KCNIP4: variants seen among roughly 807,000 people sequenced by gnomAD.
KCNIP4 encodes the protein potassium voltage-gated channel interacting protein 4.
In KCNIP4, 12 loss-of-function variants were observed where a neutral mutation model predicts 34.0. The ratio of observed to expected loss-of-function variants is 0.35; its 90% CI spans 0.23 to 0.57. The LOEUF is 0.57. KCNIP4 is among the 20% of genes least tolerant of loss of function. The pLI is 0.83. For missense variants in KCNIP4, 238 were observed against 311.7 expected (o/e 0.76, Z 1.78); for synonymous variants, 124 against 102.2 (o/e 1.21, Z -1.29).
chr4:20,857,198 T>C (rs938922293), intron 2 of KCNIP4, among the ~76,000 whole-genome samples: 44 of 152,200 alleles, frequency 2.9e-4, no homozygotes, highest in African/African-American at 1.0e-3. Context: ...ACTGAAATCA[T>C]CAGCAATCAC....
chr4:21,811,902 T>C (rs2109271718), intron 1 of KCNIP4, among the ~76,000 whole-genome samples: 1 of 152,308 alleles, frequency 6.6e-6, no homozygotes, highest in Middle Eastern at 3.4e-3. Context: ...TGAGGCCAAA[T>C]GGCAGTTAAT....
At chr4:21,230,208 C>T (rs1417196954) in intron 1 of KCNIP4, among the ~76,000 whole-genome samples, 2 of 152,016 alleles carry the variant, frequency 1.3e-5, no homozygotes, top group African/African-American at 2.4e-5. Flanking sequence ...CCAAGGACTG[C>T]CAGAAACTCC....
intron 1 of KCNIP4, among the ~76,000 whole-genome samples, chr4:21,107,381 C>T (rs28786984): frequency 0.26 from 36,465 of 142,080 alleles, 5,325 homozygotes; most frequent in African/African-American, 0.37. Context: ...TTGATCTTTG[C>T]TGGTTTAAAG....
chr4:21,532,858 C>T (rs992521207), intron 1 of KCNIP4, among the ~76,000 whole-genome samples: 1 of 151,834 alleles, frequency 6.6e-6, no homozygotes, highest in Admixed American at 6.6e-5. Context: ...TTTTAAATTA[C>T]AGGAATCTAC....
intron 1 of KCNIP4, among the ~76,000 whole-genome samples, chr4:21,381,708 G>C (rs1721523408): frequency 6.6e-6 from 1 of 152,178 alleles, no homozygotes; most frequent in South Asian, 2.1e-4. Context: ...AACCATGTCA[G>C]TGGGTGCAAT....
intron 1 of KCNIP4, among the ~76,000 whole-genome samples, chr4:20,909,516 C>T (rs1036592758): frequency 2.6e-5 from 4 of 152,156 alleles, no homozygotes; most frequent in Non-Finnish European, 4.4e-5. Context: ...CCCCAAAGCA[C>T]CCAGTGAATG....
At chr4:21,518,964 C>A (rs1279003106) in intron 1 of KCNIP4, among the ~76,000 whole-genome samples, 1 of 152,042 alleles carries the variant, frequency 6.6e-6, no homozygotes, top group Non-Finnish European at 1.5e-5. Flanking sequence ...TTAGTGAATC[C>A]TCCCAACAAG....
chr4:21,344,441 G>A (rs375111776), intron 1 of KCNIP4, among the ~76,000 whole-genome samples: 35 of 152,234 alleles, frequency 2.3e-4, no homozygotes, highest in African/African-American at 4.1e-4. Flanking sequence ...ATAGCCAAAG[G>A]TCTTGGAAAC....
chr4:21,121,012 T>C (rs12640491), intron 1 of KCNIP4, among the ~76,000 whole-genome samples: 21,762 of 152,212 alleles, frequency 0.14, 1,758 homozygotes, highest in East Asian at 0.23. Flanking sequence ...GCTGAGTGTG[T>C]GACAGTTTGC....
At chr4:21,279,272 A>C (rs773552260) in intron 1 of KCNIP4, among the ~76,000 whole-genome samples, 20 of 152,092 alleles carry the variant, frequency 1.3e-4, no homozygotes, top group Non-Finnish European at 1.9e-4. Flanking sequence ...AGGGTGGCAC[A>C]AGTTGCTGCT....
At chr4:20,777,763 G>A (rs1756499290) in intron 3 of KCNIP4, among the ~76,000 whole-genome samples, 1 of 152,198 alleles carries the variant, frequency 6.6e-6, no homozygotes, top group Admixed American at 6.5e-5. Context: ...AAACCATGAA[G>A]TTTGACGTTC....
chr4:21,866,762 A>AT (rs770568451), intron 1 of KCNIP4, among the ~76,000 whole-genome samples: 30,426 of 82,728 alleles, frequency 0.37, 8,507 homozygotes, highest in East Asian at 0.6. Flanking sequence ...TTCAGCCTGG[A>AT]TTTTTTTTTT....
chr4:21,517,861 T>C (rs933670148), intron 1 of KCNIP4, among the ~76,000 whole-genome samples: 4 of 152,176 alleles, frequency 2.6e-5, no homozygotes, highest in African/African-American at 9.7e-5. Flanking sequence ...CTTTCCCTGA[T>C]ACATTGTAGA....
intron 1 of KCNIP4, among the ~76,000 whole-genome samples, chr4:21,694,720 A>G (rs573182415): frequency 9.2e-5 from 14 of 152,138 alleles, no homozygotes; most frequent in Admixed American, 7.2e-4. Flanking sequence ...TTGTGATAAC[A>G]CTAATAAGAC....
chr4:21,372,353 AATAGATAGATAGATAG>A (rs140861893), intron 1 of KCNIP4, among the ~76,000 whole-genome samples: 6 of 139,068 alleles, frequency 4.3e-5, no homozygotes, highest in Non-Finnish European at 4.5e-5. Context: ...CAGTTTGGTG[AATAGATAGATAGATAG>A]ATAGATAGAT....
At chr4:21,870,814 C>T (rs73258504) in intron 1 of KCNIP4, among the ~76,000 whole-genome samples, 5,864 of 152,200 alleles carry the variant, frequency 0.039, 172 homozygotes, top group Middle Eastern at 0.079. Context: ...AACTCATTTG[C>T]TCATTTATGA....
chr4:21,420,118 T>C (rs1354228020), intron 1 of KCNIP4, among the ~76,000 whole-genome samples: 1 of 152,150 alleles, frequency 6.6e-6, no homozygotes, highest in East Asian at 1.9e-4. Flanking sequence ...TATACCTACT[T>C]GTCAATGTTG....
In KCNIP4 at chr4:21,681,998, C is replaced by T. The variant is rs538097304; in HGVS notation, c.61+266573G>A. Among the ~76,000 whole-genome samples, 62 of 152,100 alleles carry T rather than the reference C, an allele frequency of 4.1e-4. No individual in the cohort carries two copies. In the South Asian group the frequency reaches 0.012, roughly 31 times the overall value. ...CTGCCTCTTGGGTTCAAGTGATTCA[C>T]CTACCTCAGCTTACTGAGTGTCTGG... On this transcript the variant is annotated intron_variant, in intron 1 of 8. Transcript: ENST00000382152.
intron 1 of KCNIP4, among the ~76,000 whole-genome samples, chr4:21,351,447 C>T (rs1056913710): frequency 2.6e-5 from 4 of 152,176 alleles, no homozygotes; most frequent in Non-Finnish European, 5.9e-5. Flanking sequence ...TTTTCCTTCA[C>T]CTTCCACCAT....
Sources: gnomAD v4.1 joint callset for allele counts (sites outside exome capture counted in the v4.1 genomes callset) on GRCh38, gnomAD v4.1.1 for gene constraint, MANE v1.5 for transcripts, NCBI Gene and HGNC (gene_info 2026-07-23, HGNC 2026-07-21) for gene names.